The following UTS2 variants were observed in gnomAD, a reference collection of about 807,000 sequenced individuals.
UTS2 encodes the protein urotensin-2.
UTS2 carries 10 observed loss-of-function variants against 12.6 expected under a neutral mutation model. The observed-to-expected ratio is 0.80, with a 90% CI of 0.49 to 1.35. The LOEUF (loss-of-function observed/expected upper bound fraction) is 1.35. Ranked by LOEUF, UTS2 falls within the 40% of genes most tolerant of loss-of-function variation. The pLI is 0.00. For synonymous variants in UTS2, 52 were observed against 50.0 expected, an observed-to-expected ratio of 1.04 and a Z score of -0.17; for missense variants, 142 against 143.2, an observed-to-expected ratio of 0.99 and a Z score of 0.04.
At chr1:7,873,416 G>T in the UTS2 span, among the ~76,000 whole-genome samples, 3 of 152,332 alleles carry the variant, frequency 2.0e-5, no homozygotes, top group African/African-American at 7.2e-5. Context: ...CAACACTCTA[G>T]ATGCCATTAA....
intron 1 of UTS2, 74 bp from the exon 2 acceptor site, chr1:7,850,996 C>T (rs954491500): frequency 6.9e-6 from 10 of 1,451,074 alleles, no homozygotes; most frequent in East Asian, 2.3e-5. Flanking sequence ...GTGTCTTTGG[C>T]GAGCACCAGA....
the UTS2 span, among the ~76,000 whole-genome samples, chr1:7,898,059 T>C: frequency 5.5e-4 from 84 of 152,344 alleles, no homozygotes; most frequent in African/African-American, 1.9e-3. Context: ...ATTTCTAGTA[T>C]TCTACAGATT....
chr1:7,867,615 G>A, the UTS2 span, among the ~76,000 whole-genome samples: 2 of 152,174 alleles, frequency 1.3e-5, no homozygotes, highest in African/African-American at 2.4e-5. Context: ...AGTGGCTCAC[G>A]CCTGTAATCC....
At chr1:7,890,107 CA>C in the UTS2 span, among the ~76,000 whole-genome samples, 1 of 141,604 alleles carries the variant, frequency 7.1e-6, no homozygotes, top group African/African-American at 2.7e-5. Context: ...GCCTGGGCAA[CA>C]GAGCGAGCCT....
the UTS2 span, among the ~76,000 whole-genome samples, chr1:7,866,571 G>T: frequency 2.6e-5 from 4 of 152,148 alleles, no homozygotes; most frequent in Non-Finnish European, 5.9e-5. The surrounding 1 kb of genome is among the most constrained non-coding windows in gnomAD (Gnocchi z 4.5). Context: ...GTGCTCTTGA[G>T]TCATACAGAA....
At chr1:7,887,592 CAAAAAA>C in the UTS2 span, among the ~76,000 whole-genome samples, 11,460 of 61,976 alleles carry the variant, frequency 0.18, 283 homozygotes, top group South Asian at 0.33. Context: ...CCAGTCTCTA[CAAAAAA>C]AAAAAAAAAA....
chr1:7,898,204 A>G, the UTS2 span, among the ~76,000 whole-genome samples: 1 of 152,186 alleles, frequency 6.6e-6, no homozygotes, highest in African/African-American at 2.4e-5. Context: ...CATGTAAAAT[A>G]TAAGTGGCGA....
chr1:7,901,844 C>T, the UTS2 span, among the ~76,000 whole-genome samples: 16 of 152,114 alleles, frequency 1.1e-4, no homozygotes, highest in Admixed American at 3.3e-4. Context: ...CAGACTGGCC[C>T]AGCAGATCAC....
At chr1:7,859,211 T>G in the UTS2 span, among the ~76,000 whole-genome samples, 1 of 152,146 alleles carries the variant, frequency 6.6e-6, no homozygotes, top group South Asian at 2.1e-4. Context: ...ATGTAAAACA[T>G]AGGTTAGAGG....
the UTS2 span, among the ~76,000 whole-genome samples, chr1:7,866,222 G>A: frequency 1.2e-4 from 18 of 152,156 alleles, no homozygotes; most frequent in Admixed American, 1.1e-3. This position sits in a 1 kb window ranked among gnomAD's most constrained non-coding sequence, Gnocchi z 4.5. Flanking sequence ...AGATGACCTG[G>A]CTCGCCCATC....
the UTS2 span, among the ~76,000 whole-genome samples, chr1:7,880,188 G>T: frequency 2.0e-5 from 3 of 152,054 alleles, no homozygotes; most frequent in Non-Finnish European, 2.9e-5. Context: ...AGCCCAGGAG[G>T]TCAAGGTTGC....
the UTS2 span, among the ~76,000 whole-genome samples, chr1:7,867,599 G>A: frequency 0.034 from 5,115 of 152,176 alleles, 247 homozygotes; most frequent in African/African-American, 0.11. Flanking sequence ...TCTGAAGACC[G>A]GGCACAGTGG....
At chr1:7,853,270 C>A, upstream of UTS2, 1 of 1,612,712 alleles carries the variant, frequency 6.2e-7, no homozygotes, top group Non-Finnish European at 8.5e-7. Context: ...ATATAAAGAA[C>A]AGTGAGTTTA....
the UTS2 span, among the ~76,000 whole-genome samples, chr1:7,884,972 C>G: frequency 1.3e-5 from 2 of 148,196 alleles, no homozygotes; most frequent in African/African-American, 5.1e-5. Context: ...TGCCCATCAT[C>G]CACGCATTCA....
chr1:7,897,099 A>G, the UTS2 span, among the ~76,000 whole-genome samples: 1 of 152,168 alleles, frequency 6.6e-6, no homozygotes, highest in Non-Finnish European at 1.5e-5. Flanking sequence ...TTGTCTTGGC[A>G]TATTTGATGA....
At chr1:7,866,977 C>T in the UTS2 span, among the ~76,000 whole-genome samples, 1 of 152,182 alleles carries the variant, frequency 6.6e-6, no homozygotes, top group Non-Finnish European at 1.5e-5. The surrounding 1 kb of genome is among the most constrained non-coding windows in gnomAD (Gnocchi z 4.5). Flanking sequence ...TCTAGCGATT[C>T]TCTTGCCTCA....
chr1:7,863,060 ATTGTATT>A, the UTS2 span, among the ~76,000 whole-genome samples: 9 of 82,498 alleles, frequency 1.1e-4, no homozygotes, highest in South Asian at 4.6e-4. Flanking sequence ...ATTGTATTGT[ATTGTATT>A]GTATTGTATT....
At chr1:7,848,040 G>A (rs867955957) in intron 3 of UTS2, among the ~76,000 whole-genome samples, 158 bp from the exon 4 acceptor site, 12 of 152,198 alleles carry the variant, frequency 7.9e-5, no homozygotes, top group Middle Eastern at 3.4e-3. Flanking sequence ...AGAGTGTCCC[G>A]GGCCCGTGGG....
At chr1:7,890,663 AG>A in the UTS2 span, among the ~76,000 whole-genome samples, 1 of 149,138 alleles carries the variant, frequency 6.7e-6, no homozygotes, top group Non-Finnish European at 1.5e-5. Flanking sequence ...AGGCCAAGGC[AG>A]GAGGATCACT....
Sources: gnomAD v4.1 joint callset for allele counts (sites outside exome capture counted in the v4.1 genomes callset) on GRCh38, gnomAD v4.1.1 for gene constraint, Gnocchi (gnomAD v3.1) non-coding constraint, MANE v1.5 for transcripts, NCBI Gene and HGNC (gene_info 2026-07-23, HGNC 2026-07-21) for gene names.